The following AGBL4 variants were observed in gnomAD, a reference collection of about 807,000 sequenced individuals.
AGBL4 encodes cytosolic carboxypeptidase 6.
A neutral mutation model predicts 66.4 loss-of-function variants in AGBL4; 58 were observed. The observed-to-expected ratio is 0.87, with a 90% CI of 0.71 to 1.09. The LOEUF is 1.09. AGBL4 is among the 50% of genes least tolerant of loss of function. AGBL4 has a pLI of 0.00. For missense variants in AGBL4, 579 were observed against 631.0 expected, an observed-to-expected ratio of 0.92 and a Z score of 0.88; for synonymous variants, 234 against 222.9, an observed-to-expected ratio of 1.05 and a Z score of -0.44.
intron 6 of AGBL4, among the ~76,000 whole-genome samples, chr1:48,850,610 A>AACTTCC (rs1046086873): frequency 4.6e-5 from 7 of 151,622 alleles, no homozygotes; most frequent in African/African-American, 1.5e-4. Flanking sequence ...CTGCAACTTC[A>AACTTCC]ACTTCCCAAG....
chr1:49,698,202 G>C (rs1042004936), intron 2 of AGBL4, among the ~76,000 whole-genome samples: 2 of 150,744 alleles, frequency 1.3e-5, no homozygotes, highest in African/African-American at 5.0e-5. Context: ...TTTTAGTTCT[G>C]GAACTAACTA....
intron 4 of AGBL4, among the ~76,000 whole-genome samples, chr1:49,244,592 G>T (rs12121950): frequency 0.31 from 46,248 of 151,342 alleles, 7,902 homozygotes; most frequent in East Asian, 0.72. Flanking sequence ...TTTATGAATT[G>T]CTAGTTTGCT....
At chr1:48,555,480 T>G (rs1273423232) in intron 11 of AGBL4, among the ~76,000 whole-genome samples, 1 of 152,226 alleles carries the variant, frequency 6.6e-6, no homozygotes, top group Non-Finnish European at 1.5e-5. Flanking sequence ...TGAGGCATGA[T>G]GATCCCTTTG....
intron 6 of AGBL4, chr1:48,818,206 C>T (rs1259157580): frequency 2.8e-6 from 2 of 717,442 alleles, no homozygotes; most frequent in Non-Finnish European, 5.2e-6. Context: ...AATGATTTCA[C>T]CAGCTCCATC....
intron 1 of AGBL4, among the ~76,000 whole-genome samples, chr1:49,965,144 A>G (rs537640148): frequency 4.6e-5 from 7 of 152,278 alleles, no homozygotes; most frequent in Admixed American, 4.6e-4. Context: ...AGAAAATCCA[A>G]CTCCATGGAA....
intron 2 of AGBL4, among the ~76,000 whole-genome samples, chr1:49,699,674 G>A (rs915464021): frequency 6.6e-6 from 1 of 151,804 alleles, no homozygotes; most frequent in African/African-American, 2.4e-5. Flanking sequence ...CTTATATGTA[G>A]AATCTGAAAG....
chr1:49,206,989 C>T (rs1249370527), intron 4 of AGBL4, among the ~76,000 whole-genome samples: 1 of 151,866 alleles, frequency 6.6e-6, no homozygotes, highest in East Asian at 1.9e-4. Context: ...GTTTTTTCCG[C>T]TTGATTCCCC....
chr1:48,610,216 G>C (rs937416273), intron 9 of AGBL4, among the ~76,000 whole-genome samples: 10 of 152,224 alleles, frequency 6.6e-5, no homozygotes, highest in African/African-American at 2.4e-4. Context: ...TATTGGCTTT[G>C]TCTCTCCCAT....
chr1:49,844,505 T>C (rs762379459), intron 2 of AGBL4, among the ~76,000 whole-genome samples: 1 of 152,100 alleles, frequency 6.6e-6, no homozygotes, highest in Non-Finnish European at 1.5e-5. Context: ...TCCTCTTCCT[T>C]ATTCTGTTTT....
intron 4 of AGBL4, among the ~76,000 whole-genome samples, chr1:49,050,598 TTGCCTTTTTAAATGCTATTCC>T (rs1644190635): frequency 7.4e-6 from 1 of 134,984 alleles, no homozygotes; most frequent in African/African-American, 3.8e-5. Context: ...AAAAACCTCC[TTGCCTTTTTAAATGCTATTCC>T]TTGCCTTTTT....
chr1:49,434,096 G>A (rs1440078612), intron 3 of AGBL4, among the ~76,000 whole-genome samples: 1 of 152,208 alleles, frequency 6.6e-6, no homozygotes, highest in East Asian at 1.9e-4. Flanking sequence ...TCCAATCCCT[G>A]TAGCATATAC....
chr1:49,008,906 A>G (rs937193512), intron 5 of AGBL4, among the ~76,000 whole-genome samples: 4 of 151,986 alleles, frequency 2.6e-5, no homozygotes, highest in Non-Finnish European at 5.9e-5. Context: ...ATAGCACTAA[A>G]TGCCCACAAG....
At chr1:49,465,473 G>C (rs959308426) in intron 3 of AGBL4, among the ~76,000 whole-genome samples, 1 of 151,710 alleles carries the variant, frequency 6.6e-6, no homozygotes, top group African/African-American at 2.4e-5. Context: ...AAGTGATATA[G>C]AATCTGTCCT....
chr1:49,134,173 G>A (rs1230263825), intron 4 of AGBL4, among the ~76,000 whole-genome samples: 4 of 151,570 alleles, frequency 2.6e-5, no homozygotes, highest in African/African-American at 9.7e-5. Flanking sequence ...AATAGGGTGT[G>A]GATCACAGAG....
chr1:49,687,369 T>A (rs1456780834), intron 3 of AGBL4, among the ~76,000 whole-genome samples: 2 of 152,190 alleles, frequency 1.3e-5, no homozygotes, highest in African/African-American at 4.8e-5. Context: ...ACAAATTTGA[T>A]TTTGTCATTT....
At chr1:49,391,420 C>T (rs1470725767) in intron 3 of AGBL4, among the ~76,000 whole-genome samples, 2 of 151,986 alleles carry the variant, frequency 1.3e-5, no homozygotes, top group African/African-American at 2.4e-5. Context: ...CATAGTGATC[C>T]AAAGAGCTAA....
chr1:48,708,385 C>T (rs927517074), intron 6 of AGBL4, among the ~76,000 whole-genome samples: 1 of 152,098 alleles, frequency 6.6e-6, no homozygotes, highest in Non-Finnish European at 1.5e-5. Flanking sequence ...TGAGAGGAGC[C>T]GTTGGGGCTT....
intron 4 of AGBL4, among the ~76,000 whole-genome samples, chr1:49,196,414 T>C (rs1435019785): frequency 6.6e-6 from 1 of 152,192 alleles, no homozygotes; most frequent in Non-Finnish European, 1.5e-5. Flanking sequence ...TATTCTGAAT[T>C]GACTTTCTGA....
chr1:49,090,843 C>T (rs535391357), intron 4 of AGBL4, among the ~76,000 whole-genome samples: 23 of 152,156 alleles, frequency 1.5e-4, no homozygotes, highest in Admixed American at 3.3e-4. Context: ...AACTATATTA[C>T]AAGGCCAAAG....
Sources: allele counts gnomAD v4.1 joint callset (sites outside exome capture counted in the v4.1 genomes callset), GRCh38; gene constraint gnomAD v4.1.1; transcripts MANE v1.5; gene names NCBI Gene and HGNC (gene_info 2026-07-23, HGNC 2026-07-21).